The following OCIAD1 variants were observed in gnomAD, a reference collection of about 807,000 sequenced individuals.
OCIAD1 encodes OCIA domain containing 1, also known as OCIA domain-containing protein 1.
A neutral mutation model predicts 38.9 loss-of-function variants in OCIAD1; 29 were observed. The observed-to-expected ratio is 0.74, with a 90% confidence interval of 0.55 to 1.02. The LOEUF (loss-of-function observed/expected upper bound fraction) is 1.02, where lower values mean the gene tolerates loss of function less well. Ranked by LOEUF, OCIAD1 falls within the 50% of genes least tolerant of loss-of-function variation. The pLI, the probability that OCIAD1 is intolerant of heterozygous loss-of-function variation, is 0.00. For synonymous variants in OCIAD1, 110 were observed against 92.0 expected, an observed-to-expected ratio of 1.20 and a Z score of -1.12; for missense variants, 288 against 289.6, an observed-to-expected ratio of 0.99 and a Z score of 0.04.
chr4:48,854,734 T>G (rs1196432842), intron 7 of OCIAD1, among the ~76,000 whole-genome samples: 1 of 152,254 alleles, frequency 6.6e-6, no homozygotes, highest in Non-Finnish European at 1.5e-5. Context: ...ACTTTTTTAC[T>G]GCTCTCCACA....
chr4:48,822,145 T>C (rs1277529679), intron 1 of OCIAD1, among the ~76,000 whole-genome samples: 7 of 152,156 alleles, frequency 4.6e-5, no homozygotes, highest in Non-Finnish European at 7.3e-5. Flanking sequence ...CTTCAAACTA[T>C]ACTACAAGGC....
intron 1 of OCIAD1, among the ~76,000 whole-genome samples, chr4:48,823,824 C>T (rs74592125): frequency 2.3e-3 from 158 of 70,106 alleles, no homozygotes; most frequent in Admixed American, 2.9e-3. Context: ...CAATGCCTGG[C>T]TTTTTTTTTT....
intron 7 of OCIAD1, among the ~76,000 whole-genome samples, chr4:48,855,052 G>A (rs575310332): frequency 6.6e-6 from 1 of 152,142 alleles, no homozygotes; most frequent in South Asian, 2.1e-4. Context: ...TCTTCTGTCT[G>A]ATGTATATTT....
intron 1 of OCIAD1, among the ~76,000 whole-genome samples, chr4:48,824,589 G>T (rs1777230022): frequency 6.6e-6 from 1 of 151,406 alleles, no homozygotes; most frequent in Non-Finnish European, 1.5e-5. Context: ...GTCTTTTTAT[G>T]TTGCCCAGGC....
Position 48,857,246 on chromosome 4 carries a change from GA to G in OCIAD1, c.587del (p.Asn196IlefsTer7). On this transcript the variant is annotated frameshift_variant, in exon 8 of 9. Coordinates refer to ENST00000264312, the MANE Select transcript of OCIAD1 (RefSeq NM_017830.4). LOFTEE classifies it high-confidence loss of function. ...CCCAACCTTGAAGAAAGTCCTAAAA[GA>G]AAAAATATTACATATGAGGAATTAA... Reference protein sequence around the residue: ...PDPNLEESPKRKNITYEELRN... With the variant: ...PDPNLEESPKXKNITYEELRN... The G allele has an allele frequency of 6.4e-7, 1 of 1,565,720 alleles. No homozygotes were observed. Among genetic ancestry groups the G allele is most frequent in the Non-Finnish European group, 8.6e-7 (1 of 1,158,790 alleles).
intron 1 of OCIAD1, among the ~76,000 whole-genome samples, chr4:48,818,118 C>G (rs944889038): frequency 6.6e-6 from 1 of 152,226 alleles, no homozygotes; most frequent in African/African-American, 2.4e-5. Context: ...CTCTGTGCCT[C>G]CTGACTGGGA....
intron 2 of OCIAD1, among the ~76,000 whole-genome samples, chr4:48,832,944 C>T (rs1777650719): frequency 6.6e-6 from 1 of 151,954 alleles, no homozygotes; most frequent in African/African-American, 2.4e-5. Flanking sequence ...TATTTGAAGT[C>T]AAAGTTTGTT....
chr4:48,817,400 G>A (rs1296581325), intron 1 of OCIAD1, among the ~76,000 whole-genome samples: 1 of 152,012 alleles, frequency 6.6e-6, no homozygotes, highest in Non-Finnish European at 1.5e-5. Flanking sequence ...CTGGGACTGT[G>A]CTACCCAGCC....
chr4:48,842,520 G>A (rs981273666), intron 3 of OCIAD1, 116 bp from the exon 4 acceptor site: 3 of 681,378 alleles, frequency 4.4e-6, no homozygotes, highest in African/African-American at 3.7e-5. Flanking sequence ...TTTTTTAAAG[G>A]TCTTAGTTAT....
upstream of OCIAD1, among the ~76,000 whole-genome samples, chr4:48,830,020 C>T (rs1777352277): frequency 1.3e-5 from 2 of 152,072 alleles, no homozygotes; most frequent in South Asian, 4.2e-4. Context: ...TTTGAAATAT[C>T]GTTAGAATTG....
At chr4:48,832,715 C>A in intron 2 of OCIAD1, 33 bp downstream of exon 2, 4 of 1,520,456 alleles carry the variant, frequency 2.6e-6, no homozygotes, top group Non-Finnish European at 3.7e-6. Flanking sequence ...TAATTAGAAG[C>A]ACTTCCTATG....
At chr4:48,825,260 A>G (rs1007697290) in intron 1 of OCIAD1, among the ~76,000 whole-genome samples, 6 of 151,740 alleles carry the variant, frequency 4.0e-5, no homozygotes, top group Non-Finnish European at 7.4e-5. Flanking sequence ...TTGTGCCCCC[A>G]CTCTACTAGC....
intron 3 of OCIAD1, among the ~76,000 whole-genome samples, chr4:48,834,008 A>G (rs957714071): frequency 6.6e-6 from 1 of 152,090 alleles, no homozygotes. Context: ...AGAAATATAT[A>G]TATATTTGTG....
chr4:48,833,798 G>A (rs1777743267), intron 3 of OCIAD1, among the ~76,000 whole-genome samples: 1 of 152,168 alleles, frequency 6.6e-6, no homozygotes, highest in Non-Finnish European at 1.5e-5. Flanking sequence ...CTTTACAGGT[G>A]AAGGAATTGA....
At chr4:48,842,550 G>A (rs928554731) in intron 3 of OCIAD1, 86 bp from the exon 4 acceptor site, 1 of 814,786 alleles carries the variant, frequency 1.2e-6, no homozygotes, top group Admixed American at 2.4e-5. Flanking sequence ...TTCCTAGATG[G>A]TTTTACTGCT....
At chr4:48,810,569 A>G (rs747393339) in intron 1 of OCIAD1, among the ~76,000 whole-genome samples, 2 of 151,890 alleles carry the variant, frequency 1.3e-5, no homozygotes, top group Non-Finnish European at 2.9e-5. Flanking sequence ...TGTCCCTGGC[A>G]TATGATATAT....
chr4:48,843,188 C>T lies in OCIAD1; in HGVS notation c.193+499C>T, dbSNP rs140064881. ...GGTCTGGCAGGTGATCTATTTTTAA[C>T]GAGCCACCGAGGAGACTTTCTTGTC... On this transcript the variant is annotated intron_variant, in intron 4 of 8. Transcript: ENST00000264312. Among the ~76,000 whole-genome samples, 401 of 152,198 alleles carry T rather than the reference C, an allele frequency of 2.6e-3. 5 individuals carry two copies. Among genetic ancestry groups the T allele is most frequent in the Middle Eastern group, 0.017 (5 of 294 alleles).
chr4:48,829,018 C>T (rs1436764122), upstream of OCIAD1, among the ~76,000 whole-genome samples: 5 of 152,082 alleles, frequency 3.3e-5, no homozygotes, highest in Non-Finnish European at 7.4e-5. Flanking sequence ...CCCAGCACTT[C>T]GGGAGGCCAA....
rs1200744076 is a variant in OCIAD1 at position 48,810,706 on chromosome 4, A to C, written c.-103+5376A>C. Among the ~76,000 whole-genome samples the C allele has an allele frequency of 3.3e-5, 5 of 152,010 alleles. No individual in the cohort carries two copies. In the East Asian group the frequency reaches 9.6e-4, roughly 29 times the overall value. ...GGGAAAAAAATTAAAATCCTGCCTC[A>C]TGGTGCTTACCTAGAGAGAGACAAG... On this transcript the variant is annotated intron_variant, in intron 1 of 6. Coordinates refer to the OCIAD1 transcript ENST00000504654.
Sources: gnomAD v4.1 joint callset for allele counts (sites outside exome capture counted in the v4.1 genomes callset) on GRCh38, gnomAD v4.1.1 for gene constraint, MANE v1.5 for transcripts, NCBI Gene and HGNC (gene_info 2026-07-23, HGNC 2026-07-21) for gene names.